The following GABRB1 variants were observed in gnomAD, a reference collection of about 807,000 sequenced individuals.
The protein encoded by GABRB1 is gamma-aminobutyric acid receptor subunit beta-1.
GABRB1 carries 17 observed loss-of-function variants against 51.6 expected under a neutral mutation model. The observed-to-expected ratio is 0.33, with a 90% CI of 0.23 to 0.49. The LOEUF (loss-of-function observed/expected upper bound fraction) is 0.49. Among genes scored for constraint, GABRB1 ranks in the 20% least tolerant of loss-of-function variants. The pLI is 0.99. For synonymous variants in GABRB1, 247 were observed against 218.9 expected, an observed-to-expected ratio of 1.13 and a Z score of -1.14; for missense variants, 410 against 600.6, an observed-to-expected ratio of 0.68 and a Z score of 3.32.
At chr4:47,310,605 A>G (rs1243725761) in intron 4 of GABRB1, among the ~76,000 whole-genome samples, 2 of 152,184 alleles carry the variant, frequency 1.3e-5, no homozygotes, top group East Asian at 3.8e-4. Context: ...TTAACCCTTG[A>G]ATCTAGTCTA....
intron 4 of GABRB1, among the ~76,000 whole-genome samples, chr4:47,201,563 G>C (rs1719898990): frequency 6.6e-6 from 1 of 152,092 alleles, no homozygotes; most frequent in Non-Finnish European, 1.5e-5. Context: ...TTTATGAAAA[G>C]ACAGTGGAAA....
At chr4:47,037,336 G>T (rs1239478594) in intron 3 of GABRB1, among the ~76,000 whole-genome samples, 1 of 152,152 alleles carries the variant, frequency 6.6e-6, no homozygotes, top group Non-Finnish European at 1.5e-5. Flanking sequence ...TTTGCAAACA[G>T]AACAAATAGG....
At chr4:47,125,342 G>A (rs1238058311) in intron 3 of GABRB1, among the ~76,000 whole-genome samples, 2 of 151,924 alleles carry the variant, frequency 1.3e-5, no homozygotes, top group Admixed American at 6.6e-5. Context: ...GAAATGAAAT[G>A]ATGCTAATTA....
intron 1 of GABRB1, among the ~76,000 whole-genome samples, chr4:47,015,795 C>A (rs930436133): frequency 1.3e-5 from 2 of 152,158 alleles, no homozygotes; most frequent in Admixed American, 6.5e-5. Flanking sequence ...ACAGTCCCTG[C>A]AAATATTTAT....
In GABRB1 at chr4:47,066,329, C is replaced by T. The variant is rs146421056; in HGVS notation, c.240+33845C>T. Among the ~76,000 whole-genome samples the T allele has an allele frequency of 3.2e-4, 49 of 152,250 alleles. 2 individuals carry two copies. The highest frequency in any genetic ancestry group is 1.2e-3 in the African/African-American group (49 of 41,548). On this transcript the variant is annotated intron_variant, in intron 3 of 8. Coordinates refer to ENST00000295454, the MANE Select transcript of GABRB1 (RefSeq NM_000812.4). ...CTGATCAGGGTGGTGGTTGCTGAGG[C>T]TGAAGTTGATGTGACAGTTTCTTAA...
chr4:47,308,848 A>G (rs1724565976), intron 4 of GABRB1, among the ~76,000 whole-genome samples: 1 of 152,100 alleles, frequency 6.6e-6, no homozygotes, highest in Non-Finnish European at 1.5e-5. Context: ...CTGAATGCTT[A>G]GGGCTTGCTA....
At chr4:47,333,322 G>A (rs1725571356) in intron 5 of GABRB1, among the ~76,000 whole-genome samples, 2 of 150,906 alleles carry the variant, frequency 1.3e-5, no homozygotes, top group Admixed American at 1.3e-4. Flanking sequence ...ATACTTGGGA[G>A]AGACATGGTC....
intron 4 of GABRB1, among the ~76,000 whole-genome samples, chr4:47,164,279 T>C (rs992858816): frequency 3.3e-5 from 5 of 152,086 alleles, no homozygotes; most frequent in African/African-American, 9.7e-5. Context: ...ATCCTATGTA[T>C]TAGGGCATGT....
At chr4:47,353,458 C>T (rs566983618) in intron 5 of GABRB1, among the ~76,000 whole-genome samples, 1 of 152,110 alleles carries the variant, frequency 6.6e-6, no homozygotes, top group African/African-American at 2.4e-5. Flanking sequence ...TTAATAAATG[C>T]TTTTGCAAAT....
At chr4:47,254,678 G>A (rs1722133408) in intron 4 of GABRB1, among the ~76,000 whole-genome samples, 1 of 152,008 alleles carries the variant, frequency 6.6e-6, no homozygotes, top group African/African-American at 2.4e-5. Flanking sequence ...AGCCAAGGTG[G>A]ATGATGTTTC....
intron 5 of GABRB1, among the ~76,000 whole-genome samples, chr4:47,333,194 TTATATATATATATA>T (rs1162712786): frequency 4.4e-5 from 5 of 113,222 alleles, no homozygotes; most frequent in African/African-American, 1.6e-4. Context: ...CCCATTTTAT[TTATATATATATATA>T]TATATATATA....
chr4:47,142,737 G>T (rs144843048), intron 3 of GABRB1, among the ~76,000 whole-genome samples: 2 of 151,812 alleles, frequency 1.3e-5, no homozygotes, highest in Non-Finnish European at 2.9e-5. Context: ...AAGGAAATTG[G>T]TAATTGATAG....
In GABRB1 at chr4:47,071,106, C is replaced by A. The variant is rs183286388; in HGVS notation, c.240+38622C>A. Among the ~76,000 whole-genome samples, 269 of 152,300 alleles carry A rather than the reference C, an allele frequency of 1.8e-3. 1 individual carries two copies. The highest frequency in any genetic ancestry group is 6.3e-3 in the African/African-American group (260 of 41,558). ...CATTTAATGGGGTCAACTTTGATGT[C>A]TCTCTTTCTTCCATATCCTGTGCCA... On this transcript the variant is annotated intron_variant, in intron 3 of 8. Transcript: ENST00000295454.
In GABRB1 at chr4:47,275,642, G is replaced by A. The variant is rs147153032; in HGVS notation, c.462-44485G>A. On this transcript the variant is annotated intron_variant, in intron 4 of 8. Coordinates refer to ENST00000295454, the MANE Select transcript of GABRB1 (RefSeq NM_000812.4). The stretch of plus-strand genomic sequence containing the variant: ...GAAAACTTTATCATATTTGTGTTCT[G>A]CTTTGCCAAGCCTGTGTTATTAGGT... Among the ~76,000 whole-genome samples the A allele has an allele frequency of 4.6e-5, 7 of 152,220 alleles. No homozygotes were observed. In the East Asian group the frequency reaches 1.4e-3, roughly 29 times the overall value.
At chr4:47,031,526 T>C (rs1725294993), upstream of GABRB1, 2 of 728,156 alleles carry the variant, frequency 2.7e-6, no homozygotes, top group Admixed American at 2.2e-5. Flanking sequence ...AGGCACAAGG[T>C]GTCTTTTGGT....
intron 5 of GABRB1, among the ~76,000 whole-genome samples, chr4:47,347,801 T>A (rs1578111800): frequency 6.6e-6 from 1 of 152,110 alleles, no homozygotes; most frequent in African/African-American, 2.4e-5. Flanking sequence ...TAAATCAAGG[T>A]GACTGTGATA....
chr4:47,077,937 ATTT>A lies in GABRB1; in HGVS notation c.240+45455_240+45457del, dbSNP rs1169120246. 2.1e-3 allele frequency among the ~76,000 whole-genome samples: 253 copies of A among 119,570 alleles called. 1 individual carries two copies. The highest frequency in any genetic ancestry group is 3.9e-3 in the Middle Eastern group (1 of 256). The allele number at this position is 119,570 out of a possible 152,430, so 78.4% of individuals were successfully genotyped here. On this transcript the variant is annotated intron_variant, in intron 3 of 8. Transcript: ENST00000295454. The stretch of plus-strand genomic sequence containing the variant: ...ATTATATATTTTATATATATTATAT[ATTT>A]TATATATATTATATATTTTATATAT...
chr4:47,040,036 G>C (rs1725768606), intron 3 of GABRB1, among the ~76,000 whole-genome samples: 1 of 152,168 alleles, frequency 6.6e-6, no homozygotes, highest in African/African-American at 2.4e-5. Context: ...GTGCACTGCA[G>C]AGGAATATTT....
At chr4:47,211,203 T>C (rs113726901) in intron 4 of GABRB1, among the ~76,000 whole-genome samples, 54 of 152,284 alleles carry the variant, frequency 3.5e-4, no homozygotes, top group African/African-American at 1.3e-3. Context: ...CTAATATGAG[T>C]TTATGACATC....
Sources: gnomAD v4.1 joint callset for allele counts (sites outside exome capture counted in the v4.1 genomes callset) on GRCh38, gnomAD v4.1.1 for gene constraint, MANE v1.5 for transcripts, NCBI Gene and HGNC (gene_info 2026-07-23, HGNC 2026-07-21) for gene names.